Variants in SUSD1 observed in about 807,000 individuals in gnomAD.
The protein encoded by SUSD1 is sushi domain-containing protein 1.
In SUSD1, 65 loss-of-function variants were observed where a neutral mutation model predicts 86.9. That is an observed-to-expected ratio of 0.75 (90% CI 0.61 to 0.92). SUSD1 has a LOEUF of 0.92. Ranked by LOEUF, SUSD1 falls within the 40% of genes least tolerant of loss-of-function variation. The pLI, the probability that SUSD1 is intolerant of heterozygous loss-of-function variation, is 0.00. For synonymous variants in SUSD1, 346 were observed against 350.0 expected (o/e 0.99, Z 0.13); for missense variants, 850 against 929.7 (o/e 0.91, Z 1.11).
At chr9:112,054,015 G>A (rs949876802) in intron 14 of SUSD1, among the ~76,000 whole-genome samples, 1 of 152,136 alleles carries the variant, frequency 6.6e-6, no homozygotes, top group African/African-American at 2.4e-5. Context: ...GAAGAGACAA[G>A]AACTATTTAC....
intron 3 of SUSD1, 104 bp from the exon 4 acceptor site, chr9:112,143,727 C>T (rs1832687089): frequency 8.3e-7 from 1 of 1,204,212 alleles, no homozygotes; most frequent in Non-Finnish European, 1.1e-6. Context: ...TCAAGCTACT[C>T]TTGTAAAAAG....
At chr9:112,119,313 C>T (rs368727078) in intron 6 of SUSD1, among the ~76,000 whole-genome samples, 24 of 152,188 alleles carry the variant, frequency 1.6e-4, no homozygotes, top group Non-Finnish European at 2.9e-4. Context: ...GGCCATGTGG[C>T]TATTTATGTA....
chr9:112,058,025 C>CA (rs1004902325), intron 14 of SUSD1, among the ~76,000 whole-genome samples: 3 of 150,964 alleles, frequency 2.0e-5, no homozygotes, highest in African/African-American at 7.3e-5. Context: ...GGGATGTAAG[C>CA]AAAAAACAGC....
intron 10 of SUSD1, among the ~76,000 whole-genome samples, chr9:112,083,378 C>T (rs1829848659): frequency 6.6e-6 from 1 of 152,090 alleles, no homozygotes; most frequent in African/African-American, 2.4e-5. Flanking sequence ...CAGGCATGCA[C>T]CACCACACCT....
intron 8 of SUSD1, among the ~76,000 whole-genome samples, chr9:112,108,941 T>A (rs1274070545): frequency 6.6e-6 from 1 of 151,344 alleles, no homozygotes. Flanking sequence ...AAAATAGTAA[T>A]AAAACACGCA....
intron 8 of SUSD1, among the ~76,000 whole-genome samples, chr9:112,110,948 AC>A (rs1831069612): frequency 6.6e-6 from 1 of 151,562 alleles, no homozygotes; most frequent in African/African-American, 2.4e-5. Context: ...CCTCCCTGGC[AC>A]CTCCTCTTTC....
intron 3 of SUSD1, among the ~76,000 whole-genome samples, chr9:112,147,962 T>C (rs1257843919): frequency 6.6e-6 from 1 of 152,212 alleles, no homozygotes; most frequent in Non-Finnish European, 1.5e-5. Context: ...TAAAATGTTT[T>C]CTCTGAAGGA....
chr9:112,047,558 A>G (rs1449407017), intron 15 of SUSD1, among the ~76,000 whole-genome samples: 1 of 152,092 alleles, frequency 6.6e-6, no homozygotes, highest in East Asian at 1.9e-4. Flanking sequence ...ACTCACTTGA[A>G]ATTTAATCCT....
At chr9:112,152,224 C>G (rs1361140711) in intron 2 of SUSD1, among the ~76,000 whole-genome samples, 1 of 150,244 alleles carries the variant, frequency 6.7e-6, no homozygotes, top group Non-Finnish European at 1.5e-5. Context: ...AAAAAGGGAT[C>G]TTTCTTCAAT....
At position 112,080,148 on chromosome 9, in the gene SUSD1, T is replaced by G; in HGVS notation, c.1492A>C (p.Asn498His). The change falls in exon 11 of 17, where the codon AAC becomes CAC. Residue 498 changes from asparagine (N) to histidine (H), a missense_variant. Transcript: ENST00000374270. ...CAGGTTTCATTAAATCCTGAAATGT[T>G]ACTGATGGTCTGTTTTACTGTAGTG... ...TPPAVKQTISNISGFNETCLR... is the reference protein window; with the variant it reads ...TPPAVKQTISHISGFNETCLR... 1 of 1,613,030 alleles carries G rather than the reference T, an allele frequency of 6.2e-7. No individual in the cohort carries two copies. The highest frequency in any genetic ancestry group is 8.5e-7 in the Non-Finnish European group (1 of 1,179,082).
chr9:112,051,885 A>G (rs966127124), intron 15 of SUSD1, among the ~76,000 whole-genome samples: 1 of 152,090 alleles, frequency 6.6e-6, no homozygotes, highest in Non-Finnish European at 1.5e-5. Flanking sequence ...CTCTGCCTCC[A>G]ACCAGCCATG....
chr9:112,118,862 T>TGA (rs1831438642), intron 6 of SUSD1, among the ~76,000 whole-genome samples: 1 of 152,338 alleles, frequency 6.6e-6, no homozygotes, highest in African/African-American at 2.4e-5. Flanking sequence ...ATCAAACTCA[T>TGA]GAGATCACAT....
intron 15 of SUSD1, among the ~76,000 whole-genome samples, chr9:112,047,690 G>A (rs1828016569): frequency 6.6e-6 from 1 of 152,160 alleles, no homozygotes; most frequent in Non-Finnish European, 1.5e-5. Flanking sequence ...TGGAGGGGCT[G>A]TATTACCAGG....
intron 1 of SUSD1, among the ~76,000 whole-genome samples, chr9:112,162,439 G>C (rs777498314): frequency 6.6e-6 from 1 of 152,176 alleles, no homozygotes; most frequent in Non-Finnish European, 1.5e-5. Context: ...AAGGAAGCCT[G>C]TAAGAATTTT....
intron 12 of SUSD1, among the ~76,000 whole-genome samples, chr9:112,076,098 A>G (rs1188780444): frequency 6.6e-6 from 1 of 152,126 alleles, no homozygotes; most frequent in Non-Finnish European, 1.5e-5. Flanking sequence ...TTTAATGGAA[A>G]CTCACTGGAG....
chr9:112,103,836 G>A (rs1426086872), intron 8 of SUSD1, among the ~76,000 whole-genome samples: 3 of 152,114 alleles, frequency 2.0e-5, no homozygotes, highest in East Asian at 3.8e-4. Flanking sequence ...TAGTCACAAA[G>A]TTTCAAAAGA....
intron 14 of SUSD1, among the ~76,000 whole-genome samples, chr9:112,052,644 C>T (rs1828269177): frequency 6.6e-6 from 1 of 152,070 alleles, no homozygotes; most frequent in Non-Finnish European, 1.5e-5. Flanking sequence ...AGAAGTGACC[C>T]TACAGATCAC....
At chr9:112,159,664 T>C (rs1176141722) in intron 1 of SUSD1, among the ~76,000 whole-genome samples, 1 of 152,152 alleles carries the variant, frequency 6.6e-6, no homozygotes, top group Middle Eastern at 3.2e-3. Context: ...TAAATAATTC[T>C]TAGGACAAAG....
Position 112,091,440 on chromosome 9 carries a change from G to A in SUSD1, c.1474+7030C>T, listed in dbSNP as rs116598819. On this transcript the variant is annotated intron_variant, in intron 10 of 16. Coordinates refer to ENST00000374270, the MANE Select transcript of SUSD1 (RefSeq NM_022486.5). ...CCTTAAGAGTAATGGTTTTCTACCA[G>A]GGCTTTACTCCCTGGGAAGAGTGCT... 1.2e-3 allele frequency among the ~76,000 whole-genome samples: 178 copies of A among 152,234 alleles called. 1 individual carries two copies. Among genetic ancestry groups the A allele is most frequent in the African/African-American group, 4.1e-3 (172 of 41,544 alleles).
Sources: gnomAD v4.1 joint callset for allele counts (sites outside exome capture counted in the v4.1 genomes callset) on GRCh38, gnomAD v4.1.1 for gene constraint, MANE v1.5 for transcripts, NCBI Gene and HGNC (gene_info 2026-07-23, HGNC 2026-07-21) for gene names.